Variants in EPS15L1 observed in about 807,000 individuals in gnomAD.
EPS15L1 encodes epidermal growth factor receptor pathway substrate 15 like 1, also known as epidermal growth factor receptor substrate 15-like 1.
EPS15L1 carries 43 observed loss-of-function variants against 117.1 expected under a neutral mutation model. That is an observed-to-expected ratio of 0.37 (90% confidence interval 0.29 to 0.47). The LOEUF is 0.47. EPS15L1 is among the 20% of genes least tolerant of loss of function. The probability of loss-of-function intolerance (pLI) is 0.99; values close to 1 mark genes in which losing one functional copy is unlikely to be tolerated. For missense variants in EPS15L1, 981 were observed against 1,164.0 expected (o/e 0.84, Z 2.29); for synonymous variants, 459 against 470.5 (o/e 0.98, Z 0.32).
chr19:16,404,638 G>C lies in EPS15L1; in HGVS notation c.1378C>G (p.Arg460Gly). 6.2e-7 allele frequency: 1 copy of C among 1,614,138 alleles called. No individual in the cohort carries two copies. Among genetic ancestry groups the C allele is most frequent in the South Asian group, 1.1e-5 (1 of 91,078 alleles). Residue 460 changes from arginine to glycine, a missense_variant, in exon 14 of 24, where the codon CGA becomes GGA. Coordinates refer to ENST00000455140, the MANE Select transcript of EPS15L1 (RefSeq NM_001258374.3). The surrounding 1 kb of genome is among the most constrained non-coding windows in gnomAD (Gnocchi z 4.2). ...DEMDQQKAKL[R>G]DMLSDVRQKC... ...TGCCGGACGTCGCTCAGCATGTCTC[G>C]GAGCTTGGCCTTCTGCTGGTCCATC...
chr19:16,432,685 T>C (rs1463783820), intron 7 of EPS15L1, among the ~76,000 whole-genome samples: 2 of 151,302 alleles, frequency 1.3e-5, no homozygotes, highest in Non-Finnish European at 2.9e-5. Flanking sequence ...GGCAGGAGAA[T>C]TGCTTGAACC....
intron 1 of EPS15L1, among the ~76,000 whole-genome samples, chr19:16,464,808 G>A (rs2093285859): frequency 6.6e-6 from 1 of 152,032 alleles, no homozygotes; most frequent in Non-Finnish European, 1.5e-5. Flanking sequence ...TCACGGGTGG[G>A]CATGGTGGCT....
At chr19:16,436,841 A>T in intron 6 of EPS15L1, 96 bp downstream of exon 6, 2 of 1,027,908 alleles carry the variant, frequency 1.9e-6, no homozygotes, top group Non-Finnish European at 2.9e-6. Flanking sequence ...TCTGAACAAC[A>T]TCAAACTAGA....
intron 1 of EPS15L1, among the ~76,000 whole-genome samples, chr19:16,442,614 C>T (rs566357897): frequency 6.6e-6 from 1 of 152,148 alleles, no homozygotes; most frequent in Non-Finnish European, 1.5e-5. Context: ...GAAGTTTCCA[C>T]GCATTATCAT....
Position 16,355,551 on chromosome 19 carries a change from G to A in EPS15L1, c.*154C>T. The A allele has an allele frequency of 1.0e-6, 1 of 967,594 alleles. No individual in the cohort carries two copies. The highest frequency in any genetic ancestry group is 1.5e-6 in the Non-Finnish European group (1 of 673,074). The allele number at this position is 967,594 out of a possible 1,614,324, so 59.9% of individuals were successfully genotyped here. On this transcript the variant is annotated 3_prime_UTR_variant, in exon 24 of 24. Coordinates refer to ENST00000455140, the MANE Select transcript of EPS15L1 (RefSeq NM_001258374.3). The stretch of plus-strand genomic sequence containing the variant: ...TTCCCCAGGAGATGTGACCTTTCCA[G>A]GTCTTGCAGCCGAGTCTGCTCACCC...
intron 13 of EPS15L1, chr19:16,412,879 C>T (rs1356532379): frequency 8.3e-6 from 5 of 603,000 alleles, no homozygotes; most frequent in South Asian, 1.5e-5. Context: ...GGAGTGGATG[C>T]CCATCACCAA....
chr19:16,411,014 CATG>C (rs1395706231), intron 13 of EPS15L1, among the ~76,000 whole-genome samples: 1 of 152,172 alleles, frequency 6.6e-6, no homozygotes, highest in Non-Finnish European at 1.5e-5. Flanking sequence ...CCCTCAAAAA[CATG>C]ATGCTGAGTG....
intron 4 of EPS15L1, 116 bp downstream of exon 4, chr19:16,440,746 C>T (rs1160663202): frequency 1.2e-6 from 1 of 863,022 alleles, no homozygotes; most frequent in Middle Eastern, 2.3e-4. Flanking sequence ...GTTTGACAGC[C>T]GTGCTCATGC....
intron 21 of EPS15L1, among the ~76,000 whole-genome samples, chr19:16,378,400 A>G (rs1568400618): frequency 6.6e-6 from 1 of 151,960 alleles, no homozygotes. Context: ...AAGTCCTGCA[A>G]CACTCAGGTC....
In EPS15L1 at chr19:16,465,216, C is replaced by T. The variant is rs139593111; in HGVS notation, c.33+6697G>A. Among the ~76,000 whole-genome samples, 4 of 152,284 alleles carry T rather than the reference C, an allele frequency of 2.6e-5. No homozygotes were observed. The East Asian group carries it at 5.8e-4, about 22-fold the overall frequency. On this transcript the variant is annotated intron_variant, in intron 1 of 23. Coordinates refer to ENST00000455140, the MANE Select transcript of EPS15L1 (RefSeq NM_001258374.3). ...CAAGCTTGGCCTACACCAAACACGC[C>T]CTCTCCTCCATACAACCATGTCCAA... is the stretch of plus-strand genomic sequence containing the variant.
Position 16,404,364 on chromosome 19 carries a change from C to T in EPS15L1, c.1428+224G>A, listed in dbSNP as rs2092633232. Reference sequence around the variant, plus strand: ...TGTTCAGGGCACAAGTTCGCAGGGACCAAGGCCATTCACTTATACAACCTG... The same window carrying T: ...TGTTCAGGGCACAAGTTCGCAGGGATCAAGGCCATTCACTTATACAACCTG... On this transcript the variant is annotated intron_variant, in intron 14 of 23. Transcript: ENST00000455140. This position sits in a 1 kb window ranked among gnomAD's most constrained non-coding sequence, Gnocchi z 4.2. Among the ~76,000 whole-genome samples, 1 of 152,128 alleles carries T rather than the reference C, an allele frequency of 6.6e-6. No individual in the cohort carries two copies. Among genetic ancestry groups the T allele is most frequent in the South Asian group, 2.1e-4 (1 of 4,830 alleles).
At chr19:16,442,941 G>A (rs903943754) in intron 1 of EPS15L1, among the ~76,000 whole-genome samples, 7 of 152,170 alleles carry the variant, frequency 4.6e-5, no homozygotes, top group Non-Finnish European at 7.3e-5. Context: ...CCTGGCTGGC[G>A]GCCAAGTCCA....
At chr19:16,401,238 G>T (rs563499020) in intron 16 of EPS15L1, 3 of 985,372 alleles carry the variant, frequency 3.0e-6, no homozygotes, top group Non-Finnish European at 3.6e-6. Flanking sequence ...AGATGAGCTC[G>T]CCAGCAGTGC....
rs761348291 is a variant in EPS15L1 at position 16,361,840 on chromosome 19, A to G, written c.2525T>C (p.Val842Ala). The G allele has an allele frequency of 1.2e-6, 2 of 1,613,852 alleles. No individual in the cohort carries two copies. Among genetic ancestry groups the G allele is most frequent in the Non-Finnish European group, 1.7e-6 (2 of 1,179,984 alleles). The change falls in exon 23 of 24, where the codon GTC becomes GCC. Residue 842 changes from valine to alanine, a missense_variant. Physicochemically the swap from Val to Ala is moderately conservative, Grantham distance 64. Around this residue, in one of 5 missense-constraint regions of EPS15L1, gnomAD observed 819 missense variants for 949.0 expected, o/e 0.86. Coordinates refer to ENST00000455140, the MANE Select transcript of EPS15L1 (RefSeq NM_001258374.3). ...AGAAGGTTTAGCTGCAGAGGAGGGGACAAATGGGTCTTTTCCACTAAACGG... is the reference window on the plus strand; with the variant it reads ...AGAAGGTTTAGCTGCAGAGGAGGGGGCAAATGGGTCTTTTCCACTAAACGG... ...GDPFSGKDPFVPSSAAKPSKA... is the reference protein window; with the variant it reads ...GDPFSGKDPFAPSSAAKPSKA...
At chr19:16,450,462 A>G (rs964405334) in intron 1 of EPS15L1, among the ~76,000 whole-genome samples, 1 of 145,966 alleles carries the variant, frequency 6.9e-6, no homozygotes, top group Non-Finnish European at 1.5e-5. Flanking sequence ...CGTGAGCCCC[A>G]GGCATGTCCA....
chr19:16,413,268 C>T, intron 13 of EPS15L1: 1 of 648,070 alleles, frequency 1.5e-6, no homozygotes, highest in South Asian at 1.7e-5. Flanking sequence ...CAACTCTGTG[C>T]TGGTGTAACT....
At chr19:16,360,608 G>A (rs187191461) in intron 23 of EPS15L1, among the ~76,000 whole-genome samples, 169 of 151,998 alleles carry the variant, frequency 1.1e-3, no homozygotes, top group African/African-American at 4.0e-3. Context: ...TTAGCCTTGC[G>A]TGGTGTTGCA....
intron 13 of EPS15L1, chr19:16,412,914 G>T: frequency 1.6e-6 from 1 of 643,406 alleles, no homozygotes; most frequent in East Asian, 3.3e-5. Flanking sequence ...TCAAGGACAT[G>T]AAGATCAAGT....
intron 23 of EPS15L1, chr19:16,356,317 CTT>C (rs968250132): frequency 3.9e-4 from 59 of 149,934 alleles, no homozygotes; most frequent in South Asian, 1.5e-3. Flanking sequence ...TTTTCTTTTT[CTT>C]TTTTTTTTTT....
Sources: allele counts gnomAD v4.1 joint callset (sites outside exome capture counted in the v4.1 genomes callset), GRCh38; gene constraint gnomAD v4.1.1; regional missense constraint gnomAD v4.1.1; non-coding constraint Gnocchi (gnomAD v3.1); transcripts MANE v1.5; gene names NCBI Gene and HGNC (gene_info 2026-07-23, HGNC 2026-07-21).